Variants in OXR1 observed in about 807,000 individuals in gnomAD.
OXR1 encodes oxidation resistance 1.
OXR1 carries 41 observed loss-of-function variants against 104.6 expected under a neutral mutation model. That is an observed-to-expected ratio of 0.39 (90% CI 0.31 to 0.51). The LOEUF is 0.51. Among genes scored for constraint, OXR1 ranks in the 20% least tolerant of loss-of-function variants. OXR1 has a pLI of 0.77. For synonymous variants in OXR1, 348 were observed against 348.4 expected (o/e 1.00, Z 0.01); for missense variants, 955 against 1,031.9 (o/e 0.93, Z 1.02).
intron 2 of OXR1, among the ~76,000 whole-genome samples, chr8:106,498,475 A>G: frequency 6.6e-6 from 1 of 152,222 alleles, no homozygotes; most frequent in East Asian, 1.9e-4. Context: ...CAGCCCACAT[A>G]TTGTAGTTTT....
intron 2 of OXR1, among the ~76,000 whole-genome samples, chr8:106,481,176 T>C (rs929932541): frequency 1.3e-5 from 2 of 151,990 alleles, no homozygotes; most frequent in Non-Finnish European, 2.9e-5. Context: ...TACTCAGATC[T>C]TAGAATCTTA....
intron 2 of OXR1, among the ~76,000 whole-genome samples, chr8:106,375,037 A>C (rs1363064481): frequency 2.0e-5 from 3 of 152,208 alleles, no homozygotes; most frequent in African/African-American, 7.2e-5. Context: ...GACTATGACA[A>C]AATAAATTGA....
chr8:106,567,815 T>C (rs1485586540), intron 3 of OXR1, among the ~76,000 whole-genome samples: 2 of 152,158 alleles, frequency 1.3e-5, no homozygotes, highest in Non-Finnish European at 2.9e-5. Context: ...TATCTTCAAT[T>C]AAAATGTAAA....
chr8:106,536,017 G>A (rs1814490280), intron 3 of OXR1, among the ~76,000 whole-genome samples: 1 of 151,970 alleles, frequency 6.6e-6, no homozygotes, highest in Non-Finnish European at 1.5e-5. Context: ...TCAGGAAATC[G>A]AGACCATCCT....
intron 3 of OXR1, chr8:106,581,261 T>G: frequency 8.6e-6 from 11 of 1,285,148 alleles, no homozygotes; most frequent in Non-Finnish European, 1.1e-5. Flanking sequence ...AGTAAGTTTC[T>G]GAAATCATGC....
At chr8:106,531,109 C>T (rs1290149839) in intron 3 of OXR1, among the ~76,000 whole-genome samples, 1 of 152,100 alleles carries the variant, frequency 6.6e-6, no homozygotes, top group African/African-American at 2.4e-5. Flanking sequence ...CATAATGTGT[C>T]CTTAATTATG....
At chr8:106,396,267 A>G (rs775795822) in intron 2 of OXR1, among the ~76,000 whole-genome samples, 1 of 151,976 alleles carries the variant, frequency 6.6e-6, no homozygotes, top group Non-Finnish European at 1.5e-5. Context: ...GTGTTTGGAA[A>G]GGGAGAAAGA....
At chr8:106,277,542 GA>G (rs939706201) in intron 1 of OXR1, among the ~76,000 whole-genome samples, 1 of 151,772 alleles carries the variant, frequency 6.6e-6, no homozygotes, top group Non-Finnish European at 1.5e-5. Context: ...GTTTCTTGAG[GA>G]AAAAAAAGAG....
rs1248836176 is a variant in OXR1, at chr8:106,615,627, A to G, written c.221-63583A>G. On this transcript the variant is annotated intron_variant, in intron 3 of 16. Coordinates refer to ENST00000517566, the MANE Select transcript of OXR1 (RefSeq NM_001198533.2). ...TGTCTCAAAAAAAAAAAAAAAAAGG[A>G]AAAAAATGCCAATTCATTCTTGCTT... Among the ~76,000 whole-genome samples the G allele has an allele frequency of 4.7e-5, 7 of 149,204 alleles. No individual in the cohort carries two copies. In the East Asian group the frequency reaches 1.4e-3, roughly 30 times the overall value.
chr8:106,749,329 C>A (rs1306619094), intron 16 of OXR1, among the ~76,000 whole-genome samples: 2 of 146,210 alleles, frequency 1.4e-5, no homozygotes, highest in Admixed American at 7.0e-5. Flanking sequence ...GGTGACAGAG[C>A]GAGACTCTGT....
At chr8:106,625,683 T>G (rs1391188078) in intron 3 of OXR1, among the ~76,000 whole-genome samples, 2 of 152,162 alleles carry the variant, frequency 1.3e-5, no homozygotes, top group African/African-American at 4.8e-5. Flanking sequence ...CAATCTGAAC[T>G]AGGGTAATGA....
chr8:106,324,558 A>G (rs1367840518), intron 1 of OXR1, among the ~76,000 whole-genome samples: 1 of 151,654 alleles, frequency 6.6e-6, no homozygotes. Flanking sequence ...GAAAAAAAAA[A>G]ACTTTAGAAC....
chr8:106,671,746 C>T (rs1224041501), intron 3 of OXR1, among the ~76,000 whole-genome samples: 1 of 144,508 alleles, frequency 6.9e-6, no homozygotes, highest in East Asian at 2.0e-4. Flanking sequence ...CATGTTCTCA[C>T]TCATAGGTGG....
chr8:106,588,109 G>C (rs1159174970), intron 3 of OXR1, among the ~76,000 whole-genome samples: 2 of 151,826 alleles, frequency 1.3e-5, no homozygotes, highest in Admixed American at 6.6e-5. Flanking sequence ...CCGCCACCAC[G>C]CCCGGCTAAT....
At chr8:106,722,541 G>A (rs1832907404) in intron 11 of OXR1, among the ~76,000 whole-genome samples, 1 of 152,120 alleles carries the variant, frequency 6.6e-6, no homozygotes, top group Admixed American at 6.5e-5. Context: ...CTGTCTCTTA[G>A]TGATGTCATA....
chr8:106,705,982 G>A (rs1469360450), intron 8 of OXR1, among the ~76,000 whole-genome samples: 1 of 151,854 alleles, frequency 6.6e-6, no homozygotes, highest in Non-Finnish European at 1.5e-5. Context: ...TACTTTATTG[G>A]GAGATTTAAA....
At chr8:106,278,039 G>C (rs928137766) in intron 1 of OXR1, among the ~76,000 whole-genome samples, 6 of 152,174 alleles carry the variant, frequency 3.9e-5, no homozygotes, top group Non-Finnish European at 5.9e-5. Flanking sequence ...AAAAATGTTA[G>C]AGCCATGGTT....
intron 2 of OXR1, among the ~76,000 whole-genome samples, chr8:106,480,473 G>C (rs16874717): frequency 0.022 from 3,318 of 151,662 alleles, 117 homozygotes; most frequent in African/African-American, 0.075. Flanking sequence ...TATTTCCTTT[G>C]TACTACTAAT....
intron 2 of OXR1, among the ~76,000 whole-genome samples, chr8:106,468,613 G>T (rs1821315861): frequency 6.6e-6 from 1 of 151,802 alleles, no homozygotes; most frequent in Non-Finnish European, 1.5e-5. Flanking sequence ...TGGTCAGGTA[G>T]TATCTTTGGG....
Sources: allele counts gnomAD v4.1 joint callset (sites outside exome capture counted in the v4.1 genomes callset), GRCh38; gene constraint gnomAD v4.1.1; transcripts MANE v1.5; gene names NCBI Gene and HGNC (gene_info 2026-07-23, HGNC 2026-07-21).